The following AHCTF1 variants were observed in gnomAD, a reference collection of about 807,000 sequenced individuals.
AHCTF1 encodes AT-hook containing transcription factor 1, also known as protein ELYS.
In AHCTF1, 24 loss-of-function variants were observed where a neutral mutation model predicts 248.4. That is an observed-to-expected ratio of 0.10 (90% confidence interval 0.07 to 0.14). The LOEUF (loss-of-function observed/expected upper bound fraction) is 0.14. Among genes scored for constraint, AHCTF1 ranks in the 10% least tolerant of loss-of-function variants. The pLI is 1.00. For synonymous variants in AHCTF1, 786 were observed against 929.8 expected (o/e 0.85, Z 2.81); for missense variants, 2,206 against 2,636.2 (o/e 0.84, Z 3.57).
intron 19 of AHCTF1, among the ~76,000 whole-genome samples, chr1:246,887,598 T>C (rs891105153): frequency 2.0e-5 from 3 of 152,170 alleles, no homozygotes; most frequent in Admixed American, 6.5e-5. Flanking sequence ...ACAAAGGAGA[T>C]AAAGCGTATT....
chr1:246,909,114 T>C (rs1665611608), intron 4 of AHCTF1, among the ~76,000 whole-genome samples: 1 of 150,210 alleles, frequency 6.7e-6, no homozygotes, highest in African/African-American at 2.4e-5. Flanking sequence ...TATCTATTTA[T>C]ATATATATAA....
chr1:246,840,971 T>C lies in AHCTF1; in HGVS notation c.6636A>G (p.Ser2212=). 6.2e-7 allele frequency: 1 copy of C among 1,609,600 alleles called. No homozygotes were observed. The highest frequency in any genetic ancestry group is 1.3e-5 in the African/African-American group (1 of 74,474). The part of the protein sequence containing the change: ...SKNTEKESAW[S]PPPIEIRLIS... Reference sequence around the variant, plus strand: ...TCAGCCGAATTTCTATGGGAGGAGGTGACCAAGCACTTTCTTTTTCTGTGT... The same window carrying C: ...TCAGCCGAATTTCTATGGGAGGAGGCGACCAAGCACTTTCTTTTTCTGTGT... Residue 2212 remains serine, a synonymous_variant, in exon 36 of 36, where the codon TCA becomes TCG. Transcript: ENST00000648844.
chr1:246,865,107 G>C (rs1268353508), intron 26 of AHCTF1: 1 of 152,158 alleles, frequency 6.6e-6, no homozygotes, highest in Non-Finnish European at 1.5e-5. Flanking sequence ...AAACTCAAAA[G>C]TCGGGTTTTC....
At chr1:246,894,562 A>G in intron 14 of AHCTF1, 97 bp downstream of exon 14, 1 of 1,015,950 alleles carries the variant, frequency 9.8e-7, no homozygotes. Context: ...AAGAGTTTAC[A>G]ACTTCAAAAT....
chr1:246,876,935 C>G lies in AHCTF1; in HGVS notation c.2937+15G>C. ...TATTCTCTTATCCCCCATAATAAGA[C>G]AACTTTAATCGTACCATAACATTAA... On this transcript the variant is annotated intron_variant, in intron 23 of 35. Coordinates refer to ENST00000648844, the MANE Select transcript of AHCTF1 (RefSeq NM_001323342.2). 6.2e-7 allele frequency: 1 copy of G among 1,610,702 alleles called. No individual in the cohort carries two copies.
intron 11 of AHCTF1, among the ~76,000 whole-genome samples, chr1:246,898,946 G>A (rs1240638910): frequency 8.5e-5 from 13 of 152,196 alleles, no homozygotes; most frequent in Admixed American, 5.9e-4. Context: ...AATATTAGCC[G>A]GGCGTGGTGG....
At chr1:246,899,855 A>G (rs920893539) in intron 10 of AHCTF1, among the ~76,000 whole-genome samples, 31 of 150,538 alleles carry the variant, frequency 2.1e-4, no homozygotes, top group Admixed American at 1.9e-3. Context: ...AAAACATATA[A>G]ATACTAAATA....
At chr1:246,848,921 G>A (rs929084264) in intron 33 of AHCTF1, among the ~76,000 whole-genome samples, 2 of 152,116 alleles carry the variant, frequency 1.3e-5, no homozygotes, top group Non-Finnish European at 2.9e-5. Context: ...TTACTCTGAT[G>A]GGATCTATTC....
intron 33 of AHCTF1, among the ~76,000 whole-genome samples, chr1:246,848,649 T>C (rs2103038135): frequency 6.6e-6 from 1 of 152,020 alleles, no homozygotes; most frequent in African/African-American, 2.4e-5. Flanking sequence ...GTGGATCACT[T>C]GAGGTCAGGA....
intron 26 of AHCTF1, among the ~76,000 whole-genome samples, chr1:246,866,549 A>G (rs1435417832): frequency 6.6e-6 from 1 of 152,162 alleles, no homozygotes; most frequent in Non-Finnish European, 1.5e-5. Context: ...CCTTATCTCA[A>G]GTATCTTTTT....
intron 24 of AHCTF1, among the ~76,000 whole-genome samples, chr1:246,868,271 G>C (rs1045940496): frequency 2.0e-5 from 3 of 152,100 alleles, no homozygotes; most frequent in African/African-American, 7.2e-5. Flanking sequence ...TGGGACTACA[G>C]GAATGTGCCA....
chr1:246,865,368 G>A (rs1206839129), intron 26 of AHCTF1: 3 of 152,182 alleles, frequency 2.0e-5, no homozygotes, highest in East Asian at 1.9e-4. Context: ...TATTAGGAGC[G>A]GTAGACCAAC....
rs144894125 is a variant in AHCTF1, at chr1:246,884,371, T to C, written c.2660+1122A>G. 3.8e-4 allele frequency among the ~76,000 whole-genome samples: 58 copies of C among 152,338 alleles called. 1 individual carries two copies. The East Asian group carries it at 0.011, about 28-fold the overall frequency. On this transcript the variant is annotated intron_variant, in intron 21 of 35. Coordinates refer to ENST00000648844, the MANE Select transcript of AHCTF1 (RefSeq NM_001323342.2). ...TTTGTAGATCTTACCCTCTTATCCG[T>C]AGAAGTACATGCTATTTAACCAAAG...
At chr1:246,896,743 T>C (rs1277587704) in intron 12 of AHCTF1, among the ~76,000 whole-genome samples, 1 of 152,202 alleles carries the variant, frequency 6.6e-6, no homozygotes, top group Non-Finnish European at 1.5e-5. Flanking sequence ...AAAGCTGATA[T>C]TTTGAAAATC....
intron 4 of AHCTF1, 95 bp from the exon 5 acceptor site, chr1:246,907,853 C>G: frequency 1.9e-6 from 2 of 1,044,544 alleles, no homozygotes; most frequent in Non-Finnish European, 2.8e-6. Flanking sequence ...ATGAAGTCAA[C>G]TGAGTTAAAT....
intron 20 of AHCTF1, 147 bp downstream of exon 20, chr1:246,887,064 C>T: frequency 1.3e-6 from 1 of 797,898 alleles, no homozygotes; most frequent in Non-Finnish European, 1.9e-6. Context: ...TAAAATAGTG[C>T]TTGGTAAAGG....
chr1:246,879,292 T>C (rs1045264190), intron 21 of AHCTF1, among the ~76,000 whole-genome samples: 3 of 152,172 alleles, frequency 2.0e-5, no homozygotes, highest in African/African-American at 7.2e-5. Context: ...TGGTACACTG[T>C]GTTGATAAAA....
chr1:246,857,370 C>T (rs1250688260), intron 30 of AHCTF1, among the ~76,000 whole-genome samples: 2 of 152,168 alleles, frequency 1.3e-5, no homozygotes, highest in Non-Finnish European at 2.9e-5. Context: ...GAGTCTTGTG[C>T]CTGATCATCC....
intron 23 of AHCTF1, among the ~76,000 whole-genome samples, chr1:246,876,609 A>G (rs1558239141): frequency 6.6e-6 from 1 of 152,206 alleles, no homozygotes; most frequent in Non-Finnish European, 1.5e-5. Context: ...TGATCTTTGT[A>G]CTATATAACC....
Sources: allele counts gnomAD v4.1 joint callset (sites outside exome capture counted in the v4.1 genomes callset), GRCh38; gene constraint gnomAD v4.1.1; transcripts MANE v1.5; gene names NCBI Gene and HGNC (gene_info 2026-07-23, HGNC 2026-07-21).